The following SPPL3 variants were observed in gnomAD, a reference collection of about 807,000 sequenced individuals.
SPPL3 encodes the protein signal peptide peptidase-like 3.
In SPPL3, 5 loss-of-function variants were observed where a neutral mutation model predicts 42.4. The ratio of observed to expected loss-of-function variants is 0.12; its 90% confidence interval spans 0.06 to 0.25. SPPL3 has a LOEUF of 0.25. Ranked by LOEUF, SPPL3 falls within the 10% of genes least tolerant of loss-of-function variation. SPPL3 has a pLI of 1.00. For missense variants in SPPL3, 235 were observed against 489.0 expected, an observed-to-expected ratio of 0.48 and a Z score of 4.90; for synonymous variants, 195 against 181.8, an observed-to-expected ratio of 1.07 and a Z score of -0.58.
At chr12:120,843,604 C>G (rs1351147022) in intron 1 of SPPL3, among the ~76,000 whole-genome samples, 4 of 152,200 alleles carry the variant, frequency 2.6e-5, no homozygotes, top group East Asian at 1.9e-4. Context: ...GTGTACTCCT[C>G]TTCCCAGTGT....
chr12:120,843,399 A>G (rs1035579405), intron 1 of SPPL3, among the ~76,000 whole-genome samples: 1 of 152,116 alleles, frequency 6.6e-6, no homozygotes, highest in Non-Finnish European at 1.5e-5. Context: ...CAAGATTATG[A>G]CTGATGCTCA....
intron 1 of SPPL3, among the ~76,000 whole-genome samples, chr12:120,891,983 T>C (rs1245630748): frequency 6.6e-6 from 1 of 152,134 alleles, no homozygotes; most frequent in Non-Finnish European, 1.5e-5. Flanking sequence ...TTTCTCTAGG[T>C]GTTGTCAGGA....
chr12:120,823,833 T>G (rs1871154147), intron 1 of SPPL3, among the ~76,000 whole-genome samples: 1 of 152,150 alleles, frequency 6.6e-6, no homozygotes, highest in Non-Finnish European at 1.5e-5. Flanking sequence ...TTTGTTTTAC[T>G]ATAGTCATTG....
chr12:120,836,617 A>T (rs751965498), intron 1 of SPPL3, among the ~76,000 whole-genome samples: 2 of 152,214 alleles, frequency 1.3e-5, no homozygotes, highest in Admixed American at 6.5e-5. Flanking sequence ...CTGGAAGGAC[A>T]AAACTTTAAA....
chr12:120,791,513 C>T lies in SPPL3; in HGVS notation c.146G>A (p.Ser49Asn), dbSNP rs1869915422. The T allele has an allele frequency of 6.2e-7, 1 of 1,606,560 alleles. No homozygotes were observed. The highest frequency in any genetic ancestry group is 8.5e-7 in the Non-Finnish European group (1 of 1,178,450). Residue 49 changes from serine (S) to asparagine (N), a missense_variant, in exon 3 of 11, where the codon AGT (serine) becomes AAT (asparagine). By Grantham distance (46) the Ser-to-Asn change is conservative. Around this residue, in one of 6 missense-constraint regions of SPPL3, gnomAD observed 110 missense variants for 186.2 expected, o/e 0.59. Transcript: ENST00000353487. Reference protein sequence around the residue: ...DFENQDKEKDSNSSSGSFNGN... With the variant: ...DFENQDKEKDNNSSSGSFNGN... Reference sequence around the variant, plus strand: ...ATTGAAAGACCCAGAAGAACTATTACTGTCTTTCTCCTTATCTTGATTTTC... The same window carrying T: ...ATTGAAAGACCCAGAAGAACTATTATTGTCTTTCTCCTTATCTTGATTTTC...
In SPPL3 at chr12:120,781,575, T is replaced by G. The variant is rs1013630048; in HGVS notation, c.502+1080A>C. ...GTTACGTTTTTTTTTTTTTTTTTTT[T>G]TTTTTTTTTTTTTTTTGAGACGGAG... On this transcript the variant is annotated intron_variant, in intron 6 of 10. Transcript: ENST00000353487. Among the ~76,000 whole-genome samples, 35 of 123,332 alleles carry G rather than the reference T, an allele frequency of 2.8e-4. 1 individual carries two copies. The highest frequency in any genetic ancestry group is 1.6e-3 in the Admixed American group (20 of 12,254). 80.9% of individuals were successfully genotyped at this position (123,332 alleles called of 152,430 possible).
intron 1 of SPPL3, among the ~76,000 whole-genome samples, chr12:120,875,214 A>G (rs1873049310): frequency 6.6e-6 from 1 of 152,234 alleles, no homozygotes; most frequent in Admixed American, 6.5e-5. Flanking sequence ...GTTTTAAGGC[A>G]CTAATTACTG....
Position 120,904,346 on chromosome 12 carries a change from C to G in SPPL3, c.-479G>C, listed in dbSNP as rs1197314636. 1.8e-5 allele frequency: 3 copies of G among 163,832 alleles called. No individual in the cohort carries two copies. The highest frequency in any genetic ancestry group is 7.2e-5 in the African/African-American group (3 of 41,398). The allele number at this position is 163,832 out of a possible 1,614,324, so 10.1% of individuals were successfully genotyped here. On this transcript the variant is annotated 5_prime_UTR_variant, in exon 1 of 11. Coordinates refer to ENST00000353487, the MANE Select transcript of SPPL3 (RefSeq NM_139015.5). ...ATGAGGCGAGGCCACTCGATCACACCCGCCGAGGGGAGGAGGGGCGGGGGC... is the reference window on the plus strand; with the variant it reads ...ATGAGGCGAGGCCACTCGATCACACGCGCCGAGGGGAGGAGGGGCGGGGGC...
intron 1 of SPPL3, among the ~76,000 whole-genome samples, chr12:120,868,883 A>G (rs1872841687): frequency 6.6e-6 from 1 of 152,232 alleles, no homozygotes; most frequent in African/African-American, 2.4e-5. Context: ...GTAATCTTAA[A>G]GGCTGTGGAG....
chr12:120,768,811 A>G, intron 7 of SPPL3, 142 bp downstream of exon 7: 1 of 713,416 alleles, frequency 1.4e-6, no homozygotes, highest in Non-Finnish European at 2.4e-6. Context: ...CTGCACACCC[A>G]TGATACAGTT....
At chr12:120,792,793 A>G (rs1388232080) in intron 2 of SPPL3, among the ~76,000 whole-genome samples, 1 of 151,862 alleles carries the variant, frequency 6.6e-6, no homozygotes, top group Admixed American at 6.6e-5. Context: ...GACATCAGCC[A>G]CATCATGTGA....
At chr12:120,811,924 A>G (rs1870694458) in intron 1 of SPPL3, among the ~76,000 whole-genome samples, 1 of 152,168 alleles carries the variant, frequency 6.6e-6, no homozygotes, top group Non-Finnish European at 1.5e-5. Flanking sequence ...ATAGGGTACT[A>G]TGATAATGTA....
chr12:120,806,428 T>C (rs1456771106), intron 2 of SPPL3, among the ~76,000 whole-genome samples: 1 of 152,110 alleles, frequency 6.6e-6, no homozygotes, highest in African/African-American at 2.4e-5. Context: ...CAAATGGTAC[T>C]GGGACAAGTG....
At chr12:120,821,203 G>C (rs1472242146) in intron 1 of SPPL3, among the ~76,000 whole-genome samples, 1 of 152,162 alleles carries the variant, frequency 6.6e-6, no homozygotes, top group African/African-American at 2.4e-5. Context: ...TGCCGGGGGC[G>C]GGGAGAGGGA....
intron 1 of SPPL3, among the ~76,000 whole-genome samples, chr12:120,890,501 A>G (rs907129619): frequency 6.6e-6 from 1 of 150,772 alleles, no homozygotes; most frequent in Admixed American, 6.6e-5. Flanking sequence ...AGGCAGGAGA[A>G]TCGCTTGAAT....
At chr12:120,781,517 CATTAT>C (rs1869538067) in intron 6 of SPPL3, among the ~76,000 whole-genome samples, 1 of 137,712 alleles carries the variant, frequency 7.3e-6, no homozygotes, top group Non-Finnish European at 1.5e-5. Flanking sequence ...TAATATGATG[CATTAT>C]ATTACAGTCT....
intron 3 of SPPL3, 66 bp from the exon 4 acceptor site, chr12:120,784,659 T>G (rs1386532810): frequency 7.4e-7 from 1 of 1,356,596 alleles, no homozygotes; most frequent in African/African-American, 1.5e-5. Context: ...ATGCACTTCA[T>G]ATACATTAAC....
chr12:120,806,707 G>A (rs542795370), intron 2 of SPPL3, among the ~76,000 whole-genome samples: 1 of 152,006 alleles, frequency 6.6e-6, no homozygotes, highest in East Asian at 1.9e-4. Flanking sequence ...AAATTAGCTG[G>A]GCATGGTGAC....
intron 1 of SPPL3, among the ~76,000 whole-genome samples, chr12:120,823,729 A>G (rs1179590225): frequency 6.6e-6 from 1 of 152,150 alleles, no homozygotes; most frequent in Admixed American, 6.5e-5. Flanking sequence ...TCTTTTACTG[A>G]GTCATGTGCC....
Sources: gnomAD v4.1 joint callset for allele counts (sites outside exome capture counted in the v4.1 genomes callset) on GRCh38, gnomAD v4.1.1 for gene constraint, gnomAD v4.1.1 regional missense constraint, MANE v1.5 for transcripts, NCBI Gene and HGNC (gene_info 2026-07-23, HGNC 2026-07-21) for gene names.